The following CDH13 variants were observed in gnomAD, a reference collection of about 807,000 sequenced individuals.
CDH13 encodes the protein cadherin 13, also known as cadherin-13.
Under a neutral mutation model 63.8 loss-of-function variants are expected in CDH13, and 24 were observed. The observed-to-expected ratio is 0.38, with a 90% CI of 0.27 to 0.53. The LOEUF (loss-of-function observed/expected upper bound fraction) is 0.53, where lower values mean the gene tolerates loss of function less well. Among genes scored for constraint, CDH13 ranks in the 20% least tolerant of loss-of-function variants. The pLI, the probability that CDH13 is intolerant of heterozygous loss-of-function variation, is 0.85. For synonymous variants in CDH13, 503 were observed against 355.3 expected (o/e 1.42, Z -4.67); for missense variants, 1,049 against 903.1 (o/e 1.16, Z -2.07).
intron 2 of CDH13, among the ~76,000 whole-genome samples, chr16:82,913,516 G>A (rs1597202052): frequency 1.3e-5 from 2 of 152,228 alleles, no homozygotes; most frequent in South Asian, 4.2e-4. Flanking sequence ...CTGTGAATAA[G>A]GCCATCAAGT....
intron 1 of CDH13, among the ~76,000 whole-genome samples, chr16:82,735,347 G>A (rs184968933): frequency 1.3e-5 from 2 of 152,258 alleles, no homozygotes; most frequent in East Asian, 3.9e-4. Context: ...CACCAGACAG[G>A]GCAGATAAGT....
At chr16:82,738,151 G>C (rs1329898267) in intron 1 of CDH13, among the ~76,000 whole-genome samples, 1 of 152,208 alleles carries the variant, frequency 6.6e-6, no homozygotes, top group African/African-American at 2.4e-5. Context: ...GATGGGCTAA[G>C]AGTTAGTCTG....
intron 1 of CDH13, among the ~76,000 whole-genome samples, chr16:82,736,974 G>A (rs1382099360): frequency 6.6e-6 from 1 of 152,046 alleles, no homozygotes; most frequent in African/African-American, 2.4e-5. Flanking sequence ...TTCCTTTTCT[G>A]CCTCTCTGCA....
chr16:83,366,424 C>T (rs952709262), intron 6 of CDH13, among the ~76,000 whole-genome samples: 2 of 152,190 alleles, frequency 1.3e-5, no homozygotes, highest in Admixed American at 1.3e-4. Flanking sequence ...AGGAGCTTTA[C>T]GTGCGAGTCC....
In CDH13 at chr16:83,344,974, A is replaced by T; in HGVS notation, c.749A>T (p.Tyr250Phe). Residue 250 changes from tyrosine to phenylalanine, a missense_variant, in exon 6 of 14, where the codon TAC (tyrosine) becomes TTC (phenylalanine). Physicochemically the swap from Tyr to Phe is conservative, Grantham distance 22 (BLOSUM62 3). Transcript: ENST00000567109. ...CGACCGATCTTTCGGGAAGGCCCCT[A>T]CATCGGCCACGTCATGGAAGGGTCA... The part of the protein sequence containing the change: ...DNRPIFREGP[Y>F]IGHVMEGSPT... 7 of 1,613,978 alleles carry T rather than the reference A, an allele frequency of 4.3e-6. No individual in the cohort carries two copies. Among genetic ancestry groups the T allele is most frequent in the Non-Finnish European group, 5.9e-6 (7 of 1,179,840 alleles).
intron 10 of CDH13, among the ~76,000 whole-genome samples, chr16:83,680,796 G>C (rs536496032): frequency 4.5e-4 from 69 of 152,048 alleles, no homozygotes; most frequent in African/African-American, 1.6e-3. Context: ...GCCAAAAGGG[G>C]TCCTGCTTAC....
intron 5 of CDH13, among the ~76,000 whole-genome samples, chr16:83,263,252 C>T (rs1907197348): frequency 6.6e-6 from 1 of 152,218 alleles, no homozygotes; most frequent in African/African-American, 2.4e-5. Flanking sequence ...AACAATTCCA[C>T]CTTTTTGTAC....
At chr16:82,769,867 G>A (rs1075796) in intron 1 of CDH13, among the ~76,000 whole-genome samples, 94,724 of 152,100 alleles carry the variant, frequency 0.62, 31,502 homozygotes, top group South Asian at 0.78. Context: ...TACGAAATGT[G>A]ACAGGATAAG....
intron 4 of CDH13, among the ~76,000 whole-genome samples, chr16:83,192,362 A>C (rs1016583768): frequency 6.6e-6 from 1 of 152,168 alleles, no homozygotes; most frequent in Non-Finnish European, 1.5e-5. Context: ...ATGCAGAATA[A>C]AGGGTCTTCT....
chr16:82,663,944 C>T (rs1912283063), intron 1 of CDH13, among the ~76,000 whole-genome samples: 1 of 152,210 alleles, frequency 6.6e-6, no homozygotes, highest in African/African-American at 2.4e-5. Flanking sequence ...GCATGACAGG[C>T]ATTCCACTCT....
At chr16:83,265,485 C>A (rs760200637) in intron 5 of CDH13, among the ~76,000 whole-genome samples, 3 of 152,124 alleles carry the variant, frequency 2.0e-5, no homozygotes, top group African/African-American at 4.8e-5. Context: ...TAACTGTCTT[C>A]TCTTAAAAAT....
intron 1 of CDH13, among the ~76,000 whole-genome samples, chr16:82,638,823 T>TGTGTGTGCGCGCGC (rs139451683): frequency 6.6e-5 from 10 of 150,790 alleles, no homozygotes; most frequent in African/African-American, 2.2e-4. Context: ...GGGCAGTGTG[T>TGTGTGTGCGCGCGC]GCGTGTGTGC....
intron 2 of CDH13, chr16:82,954,469 T>A (rs1479853867): frequency 6.6e-6 from 1 of 152,056 alleles, no homozygotes; most frequent in Non-Finnish European, 1.5e-5. Flanking sequence ...AGTCAAGAAT[T>A]CATGAGTTGA....
At chr16:83,248,019 T>A (rs901607726) in intron 5 of CDH13, among the ~76,000 whole-genome samples, 1 of 151,698 alleles carries the variant, frequency 6.6e-6, no homozygotes, top group South Asian at 2.1e-4. Flanking sequence ...AAGGCGAGAG[T>A]GAGAAGGCAA....
intron 2 of CDH13, among the ~76,000 whole-genome samples, chr16:83,015,673 G>GTGTGTGTATATATATA: frequency 5.0e-5 from 2 of 39,996 alleles, no homozygotes; most frequent in East Asian, 2.4e-3. Flanking sequence ...GTGTGTGTGT[G>GTGTGTGTATATATATA]TATGTATATA....
intron 2 of CDH13, among the ~76,000 whole-genome samples, chr16:82,896,046 C>A (rs1213847855): frequency 6.6e-6 from 1 of 152,124 alleles, no homozygotes; most frequent in East Asian, 1.9e-4. Flanking sequence ...CTCTTCACTG[C>A]CTACTTTAAG....
chr16:82,839,743 C>G (rs532004087), intron 1 of CDH13, among the ~76,000 whole-genome samples: 10 of 152,338 alleles, frequency 6.6e-5, no homozygotes, highest in Admixed American at 2.6e-4. Context: ...GCCAAGGAGA[C>G]TCTAGTGTAG....
At chr16:82,629,974 A>G (rs1282257402) in intron 1 of CDH13, among the ~76,000 whole-genome samples, 1 of 152,142 alleles carries the variant, frequency 6.6e-6, no homozygotes, top group East Asian at 1.9e-4. Flanking sequence ...AAGAATTAGG[A>G]ATTTAGGGAG....
chr16:83,469,888 C>A (rs1905651515), intron 6 of CDH13, among the ~76,000 whole-genome samples: 1 of 152,224 alleles, frequency 6.6e-6, no homozygotes. Context: ...GTGCATTACA[C>A]ACTGAGGAGG....
Sources: gnomAD v4.1 joint callset for allele counts (sites outside exome capture counted in the v4.1 genomes callset) on GRCh38, gnomAD v4.1.1 for gene constraint, MANE v1.5 for transcripts, NCBI Gene and HGNC (gene_info 2026-07-23, HGNC 2026-07-21) for gene names.